The following ANGPT4 variants were observed in gnomAD, a reference collection of about 807,000 sequenced individuals.
ANGPT4 encodes the protein angiopoietin-4.
Under a neutral mutation model 53.0 loss-of-function variants are expected in ANGPT4, and 50 were observed. The ratio of observed to expected loss-of-function variants is 0.94; its 90% CI spans 0.75 to 1.20. The LOEUF is 1.20. Among genes scored for constraint, ANGPT4 ranks in the 50% most tolerant of loss-of-function variants. ANGPT4 has a pLI of 0.00. For synonymous variants in ANGPT4, 251 were observed against 259.7 expected, an observed-to-expected ratio of 0.97 and a Z score of 0.32; for missense variants, 648 against 637.1, an observed-to-expected ratio of 1.02 and a Z score of -0.18.
chr20:893,988 T>C (rs545871157), intron 1 of ANGPT4, among the ~76,000 whole-genome samples: 1 of 152,002 alleles, frequency 6.6e-6, no homozygotes, highest in Admixed American at 6.6e-5. Context: ...TCTTTTTTTT[T>C]TTTGCAGTTG....
intron 4 of ANGPT4, 94 bp downstream of exon 4, chr20:884,983 TC>T: frequency 6.5e-7 from 1 of 1,533,164 alleles, no homozygotes; most frequent in Non-Finnish European, 8.8e-7. Flanking sequence ...CCGCAATGGC[TC>T]CCAGGCGCCC....
intron 1 of ANGPT4, among the ~76,000 whole-genome samples, chr20:907,837 C>A (rs980558470): frequency 6.6e-6 from 1 of 152,154 alleles, no homozygotes; most frequent in South Asian, 2.1e-4. Context: ...GGAGGCTTTG[C>A]TGGGGTATCT....
At chr20:882,609 C>A (rs1981452802) in intron 4 of ANGPT4, among the ~76,000 whole-genome samples, 1 of 152,142 alleles carries the variant, frequency 6.6e-6, no homozygotes, top group African/African-American at 2.4e-5. Context: ...CACCTGTTGG[C>A]ACCCCCTCAG....
At chr20:890,128 C>T in intron 2 of ANGPT4, 85 bp downstream of exon 2, 3 of 1,519,250 alleles carry the variant, frequency 2.0e-6, no homozygotes, top group Non-Finnish European at 2.7e-6. Flanking sequence ...TACTCAGGGT[C>T]AGAGATCAAG....
Position 885,229 on chromosome 20 carries a change from G to T in ANGPT4, c.684C>A (p.Ser228Arg). The change falls in exon 4 of 9, where the codon AGC becomes AGA. Residue 228 changes from serine to arginine, a missense_variant. Physicochemically the swap from Ser to Arg is moderately radical, Grantham distance 110. Coordinates refer to ENST00000381922, the MANE Select transcript of ANGPT4 (RefSeq NM_015985.4). Reference protein sequence around the residue: ...SKKAKLLNTLSRQSAALTNIE... With the variant: ...SKKAKLLNTLRRQSAALTNIE... ...TGTTGGTGAGGGCGGCGCTCTGGCG[G>T]CTCAGCGTGTTCAGCAGCTTCGCCT... 1.3e-6 allele frequency: 2 copies of T among 1,587,486 alleles called. No homozygotes were observed. Among genetic ancestry groups the T allele is most frequent in the Non-Finnish European group, 8.6e-7 (1 of 1,166,902 alleles).
At chr20:897,866 G>A (rs765024167) in intron 1 of ANGPT4, among the ~76,000 whole-genome samples, 7 of 152,046 alleles carry the variant, frequency 4.6e-5, no homozygotes, top group African/African-American at 1.2e-4. Flanking sequence ...AAACCTAAAT[G>A]CCTTATTTTC....
rs182932826 is a variant in ANGPT4 at position 899,299 on chromosome 20, G to T, written c.310-8931C>A. Reference sequence around the variant, plus strand: ...GTCTCTCTCTATTGCCCAGGCTGGAGTGCAGTGGCGCGATCTCGGCTCACT... The same window carrying T: ...GTCTCTCTCTATTGCCCAGGCTGGATTGCAGTGGCGCGATCTCGGCTCACT... On this transcript the variant is annotated intron_variant, in intron 1 of 8. Coordinates refer to ENST00000381922, the MANE Select transcript of ANGPT4 (RefSeq NM_015985.4). Among the ~76,000 whole-genome samples, 10 of 151,834 alleles carry T rather than the reference G, an allele frequency of 6.6e-5. No homozygotes were observed. The East Asian group carries it at 1.9e-3, about 30-fold the overall frequency.
In ANGPT4 at chr20:889,149, TG is replaced by T. The variant is rs1981735625; in HGVS notation, c.466-711del. Among the ~76,000 whole-genome samples the T allele has an allele frequency of 2.6e-5, 4 of 152,330 alleles. No individual in the cohort carries two copies. The South Asian group carries it at 6.2e-4, about 24-fold the overall frequency. ...CCTTCTCCATGGCCCTTCCTGGCCTTGCTGTATGAGCTTGCAGCTCTCATCC... is the reference window on the plus strand; with the variant it reads ...CCTTCTCCATGGCCCTTCCTGGCCTTCTGTATGAGCTTGCAGCTCTCATCC... On this transcript the variant is annotated intron_variant, in intron 2 of 8. Coordinates refer to ENST00000381922, the MANE Select transcript of ANGPT4 (RefSeq NM_015985.4).
At chr20:889,766 A>G (rs1285615703) in intron 2 of ANGPT4, among the ~76,000 whole-genome samples, 1 of 152,046 alleles carries the variant, frequency 6.6e-6, no homozygotes, top group African/African-American at 2.4e-5. Context: ...TTTGTTATTC[A>G]CTTTTTCATC....
At chr20:890,406 C>CG (rs748884201) in intron 1 of ANGPT4, 38 bp from the exon 2 acceptor site, 1 of 831,290 alleles carries the variant, frequency 1.2e-6, no homozygotes, top group African/African-American at 1.7e-5. Flanking sequence ...GGGGGAGGGG[C>CG]GGGGGAAGCC....
intron 1 of ANGPT4, among the ~76,000 whole-genome samples, chr20:890,946 C>T (rs1411904221): frequency 6.6e-6 from 1 of 152,196 alleles, no homozygotes; most frequent in African/African-American, 2.4e-5. Context: ...TTTCTTCATA[C>T]CACTTATCAC....
intron 1 of ANGPT4, among the ~76,000 whole-genome samples, chr20:893,630 C>CG (rs1981931964): frequency 6.6e-6 from 1 of 152,074 alleles, no homozygotes; most frequent in Non-Finnish European, 1.5e-5. Flanking sequence ...GTCCCCAACT[C>CG]GCCATCTCTG....
At position 888,322 on chromosome 20, in the gene ANGPT4, T is replaced by A; in HGVS notation, c.583A>T (p.Asn195Tyr). Residue 195 changes from asparagine to tyrosine, a missense_variant, in exon 3 of 9, where the codon AAC becomes TAC. Transcript: ENST00000381922. ...GGTGCCAGGTGCCACACCCACCTGT[T>A]TTGGCCCTGAAGCTGCTGGAGCTTC... is the stretch of plus-strand genomic sequence containing the variant. ...RQKLQQLQGQNSALEKRLQAL... is the reference protein window; with the variant it reads ...RQKLQQLQGQYSALEKRLQAL... 2 of 1,613,064 alleles carry A rather than the reference T, an allele frequency of 1.2e-6. No homozygotes were observed. The highest frequency in any genetic ancestry group is 8.5e-7 in the Non-Finnish European group (1 of 1,179,624).
chr20:899,317 G>A (rs746963966), intron 1 of ANGPT4, among the ~76,000 whole-genome samples: 4 of 151,288 alleles, frequency 2.6e-5, no homozygotes, highest in African/African-American at 4.9e-5. Context: ...GCGCGATCTC[G>A]GCTCACTGCA....
At chr20:873,221 C>A in intron 8 of ANGPT4, 101 bp from the exon 9 acceptor site, 1 of 890,766 alleles carries the variant, frequency 1.1e-6, no homozygotes. Context: ...CTAATCGGGG[C>A]TGTTGCCTCC....
At chr20:878,394 T>G in intron 6 of ANGPT4, 67 bp from the exon 7 acceptor site, 2 of 1,496,976 alleles carry the variant, frequency 1.3e-6, no homozygotes, top group Non-Finnish European at 1.8e-6. Context: ...GCTGAGGAGC[T>G]GGGCTGGGCC....
In ANGPT4 at chr20:900,639, T is replaced by C. The variant is rs80240988; in HGVS notation, c.310-10271A>G. Among the ~76,000 whole-genome samples, 6 of 152,242 alleles carry C rather than the reference T, an allele frequency of 3.9e-5. No individual in the cohort carries two copies. The East Asian group carries it at 5.8e-4, about 15-fold the overall frequency. Reference sequence around the variant, plus strand: ...TGTTTTGTTTTTCTTATTATTAATATAAAAAGACAGGAATAGGCCTTGACT... The same window carrying C: ...TGTTTTGTTTTTCTTATTATTAATACAAAAAGACAGGAATAGGCCTTGACT... On this transcript the variant is annotated intron_variant, in intron 1 of 8. Transcript: ENST00000381922.
Position 885,269 on chromosome 20 carries a change from C to A in ANGPT4, c.644G>T (p.Ser215Ile). The A allele has an allele frequency of 6.3e-7, 1 of 1,581,758 alleles. No homozygotes were observed. Among genetic ancestry groups the A allele is most frequent in the Middle Eastern group, 1.8e-4 (1 of 5,602 alleles). Residue 215 changes from serine (S) to isoleucine (I), a missense_variant, in exon 4 of 9, where the codon AGC becomes ATC. By Grantham distance (142) the Ser-to-Ile change is moderately radical (BLOSUM62 -2). Transcript: ENST00000381922. ...LETKQQEELA[S>I]ILSKKAKLLN... ...CAGCTTCGCCTTCTTGCTGAGGATG[C>A]TGGCCAGCTCCTCCTGCTGCTTGGT...
intron 1 of ANGPT4, among the ~76,000 whole-genome samples, chr20:907,881 A>G (rs1203953240): frequency 6.6e-6 from 1 of 151,922 alleles, no homozygotes; most frequent in Non-Finnish European, 1.5e-5. Flanking sequence ...TGCCTGTACG[A>G]CTCCAGTGTG....
Sources: allele counts gnomAD v4.1 joint callset (sites outside exome capture counted in the v4.1 genomes callset), GRCh38; gene constraint gnomAD v4.1.1; transcripts MANE v1.5; gene names NCBI Gene and HGNC (gene_info 2026-07-23, HGNC 2026-07-21).